The following SORBS2 variants were observed in gnomAD, a reference collection of about 807,000 sequenced individuals.
SORBS2 encodes sorbin and SH3 domain-containing protein 2.
A neutral mutation model predicts 97.7 loss-of-function variants in SORBS2; 46 were observed. The ratio of observed to expected loss-of-function variants is 0.47; its 90% CI spans 0.37 to 0.60. The LOEUF (loss-of-function observed/expected upper bound fraction) is 0.60, where lower values mean the gene tolerates loss of function less well. Among genes scored for constraint, SORBS2 ranks in the 20% least tolerant of loss-of-function variants. The pLI, the probability that SORBS2 is intolerant of heterozygous loss-of-function variation, is 0.00. For synonymous variants in SORBS2, 476 were observed against 473.4 expected, an observed-to-expected ratio of 1.01 and a Z score of -0.07; for missense variants, 1,316 against 1,282.3, an observed-to-expected ratio of 1.03 and a Z score of -0.40.
At chr4:185,847,606 G>A (rs2099215336) in intron 1 of SORBS2, among the ~76,000 whole-genome samples, 1 of 152,172 alleles carries the variant, frequency 6.6e-6, no homozygotes, top group Non-Finnish European at 1.5e-5. Context: ...TATGGCATGT[G>A]TGAAATTCCA....
chr4:185,681,972 T>A (rs1386255141), intron 2 of SORBS2, among the ~76,000 whole-genome samples: 1 of 152,232 alleles, frequency 6.6e-6, no homozygotes. Flanking sequence ...CTATAACTCA[T>A]TTCTTTAGAA....
chr4:185,849,267 C>T (rs1003086548), intron 1 of SORBS2, among the ~76,000 whole-genome samples: 1 of 152,146 alleles, frequency 6.6e-6, no homozygotes, highest in African/African-American at 2.4e-5. Context: ...AGACACTACC[C>T]AGTGGAGCCA....
chr4:185,741,785 T>C (rs1476574676), intron 2 of SORBS2, among the ~76,000 whole-genome samples: 1 of 152,226 alleles, frequency 6.6e-6, no homozygotes, highest in Non-Finnish European at 1.5e-5. Context: ...TTCTGGTCCA[T>C]AGCATTGGAC....
intron 1 of SORBS2, among the ~76,000 whole-genome samples, chr4:185,776,580 C>T (rs1167304808): frequency 2.0e-5 from 3 of 151,902 alleles, no homozygotes; most frequent in East Asian, 1.9e-4. Context: ...GGCTTTCCAT[C>T]GGGAGATGAA....
At chr4:185,642,404 AT>A (rs372864873) in intron 4 of SORBS2, among the ~76,000 whole-genome samples, 4,254 of 148,848 alleles carry the variant, frequency 0.029, 115 homozygotes, top group African/African-American at 0.075. Context: ...TGCTTTATTA[AT>A]TTTTTTTTTT....
At chr4:185,845,465 C>G (rs901323615) in intron 1 of SORBS2, among the ~76,000 whole-genome samples, 1 of 151,818 alleles carries the variant, frequency 6.6e-6, no homozygotes, top group African/African-American at 2.4e-5. Flanking sequence ...ATCTGTAAAC[C>G]TTATAGAAGA....
chr4:185,777,201 G>C (rs2099004206), intron 1 of SORBS2, among the ~76,000 whole-genome samples: 1 of 152,076 alleles, frequency 6.6e-6, no homozygotes, highest in South Asian at 2.1e-4. Context: ...TTATAAATAA[G>C]ATCAACTTTG....
intron 2 of SORBS2, among the ~76,000 whole-genome samples, chr4:185,734,398 G>T (rs1487654825): frequency 6.6e-6 from 1 of 152,156 alleles, no homozygotes; most frequent in East Asian, 1.9e-4. Context: ...TATAGAAAAG[G>T]GGAAATTGGG....
chr4:185,614,974 G>A lies in SORBS2; in HGVS notation c.2467-15C>T. On this transcript the variant is annotated splice_polypyrimidine_tract_variant and intron_variant, in intron 10 of 14. Transcript: ENST00000418609. Reference sequence around the variant, plus strand: ...GGTGTGAGTTTCTATGAAGGAAATAGTCATTTATTCTCAAATCTGCGGTGA... The same window carrying A: ...GGTGTGAGTTTCTATGAAGGAAATAATCATTTATTCTCAAATCTGCGGTGA... 1 of 1,614,134 alleles carries A rather than the reference G, an allele frequency of 6.2e-7. No individual in the cohort carries two copies. The highest frequency in any genetic ancestry group is 8.5e-7 in the Non-Finnish European group (1 of 1,180,018).
At chr4:185,620,954 C>A (rs1302348912) in intron 7 of SORBS2, among the ~76,000 whole-genome samples, 1 of 152,158 alleles carries the variant, frequency 6.6e-6, no homozygotes. Context: ...ATTTTGATTG[C>A]ATGTAGTTCT....
At chr4:185,728,163 C>T (rs2098576796) in intron 2 of SORBS2, among the ~76,000 whole-genome samples, 3 of 152,110 alleles carry the variant, frequency 2.0e-5, no homozygotes, top group Admixed American at 1.3e-4. Context: ...GTTCTCCCTT[C>T]CATTATGGAG....
At chr4:185,609,354 T>C (rs923289190) in intron 12 of SORBS2, among the ~76,000 whole-genome samples, 5 of 152,230 alleles carry the variant, frequency 3.3e-5, no homozygotes, top group African/African-American at 1.2e-4. Flanking sequence ...CTTTCTGTTA[T>C]GCCAGGAATA....
At chr4:185,691,068 T>G (rs1469465864) in intron 2 of SORBS2, among the ~76,000 whole-genome samples, 1 of 151,970 alleles carries the variant, frequency 6.6e-6, no homozygotes, top group Non-Finnish European at 1.5e-5. Flanking sequence ...CCCAGCTAAT[T>G]TTTTTCTATT....
intron 4 of SORBS2, chr4:185,646,413 G>GTA (rs1365619096): frequency 3.2e-6 from 1 of 315,694 alleles, no homozygotes; most frequent in African/African-American, 2.7e-5. Context: ...CTGCATGTGT[G>GTA]TGTGTATATA....
intron 1 of SORBS2, among the ~76,000 whole-genome samples, chr4:185,831,649 C>T (rs765917632): frequency 3.3e-5 from 5 of 152,080 alleles, no homozygotes; most frequent in Non-Finnish European, 5.9e-5. Context: ...TTTATTATGC[C>T]GCAGGTATGT....
rs372131650 is a variant in SORBS2 at position 185,944,560 on chromosome 4, T to C, written c.-338+11636A>G. Reference sequence around the variant, plus strand: ...GAAATCACACAGCCCTTTTGATGCATTGACACTTTTCAAACTACAGAGAAG... The same window carrying C: ...GAAATCACACAGCCCTTTTGATGCACTGACACTTTTCAAACTACAGAGAAG... On this transcript the variant is annotated intron_variant, in intron 1 of 20. Transcript: ENST00000284776. 8.5e-5 allele frequency among the ~76,000 whole-genome samples: 13 copies of C among 152,330 alleles called. No individual in the cohort carries two copies. In the East Asian group the frequency reaches 1.9e-3, roughly 23 times the overall value.
At chr4:185,889,019 G>A (rs1579336755) in intron 1 of SORBS2, among the ~76,000 whole-genome samples, 1 of 152,344 alleles carries the variant, frequency 6.6e-6, no homozygotes, top group Non-Finnish European at 1.5e-5. Flanking sequence ...TGCCTTGTGA[G>A]GCGATCGGGG....
intron 1 of SORBS2, among the ~76,000 whole-genome samples, chr4:185,807,681 C>T (rs2099162717): frequency 6.6e-6 from 1 of 152,166 alleles, no homozygotes; most frequent in Admixed American, 6.5e-5. Flanking sequence ...AGAAGTGTTT[C>T]CTTTTAACTG....
chr4:185,627,653 A>G (rs2096838337), intron 5 of SORBS2, among the ~76,000 whole-genome samples: 1 of 152,180 alleles, frequency 6.6e-6, no homozygotes, highest in Admixed American at 6.5e-5. Context: ...ACATTGTCAC[A>G]ATTGATGAAT....
Sources: allele counts gnomAD v4.1 joint callset (sites outside exome capture counted in the v4.1 genomes callset), GRCh38; gene constraint gnomAD v4.1.1; transcripts MANE v1.5; gene names NCBI Gene and HGNC (gene_info 2026-07-23, HGNC 2026-07-21).